The following PAWR variants were observed in gnomAD, a reference collection of about 807,000 sequenced individuals.
PAWR encodes PRKC apoptosis WT1 regulator protein.
In PAWR, 23 loss-of-function variants were observed where a neutral mutation model predicts 32.0. The ratio of observed to expected loss-of-function variants is 0.72; its 90% CI spans 0.52 to 1.02. The LOEUF (loss-of-function observed/expected upper bound fraction) is 1.02, where lower values mean the gene tolerates loss of function less well. Among genes scored for constraint, PAWR ranks in the 50% least tolerant of loss-of-function variants. The probability of loss-of-function intolerance (pLI) is 0.00; values close to 1 mark genes in which losing one functional copy is unlikely to be tolerated. For missense variants in PAWR, 457 were observed against 437.7 expected, an observed-to-expected ratio of 1.04 and a Z score of -0.39; for synonymous variants, 226 against 187.1, an observed-to-expected ratio of 1.21 and a Z score of -1.70.
At chr12:79,685,797 TAA>T (rs1224897761) in intron 2 of PAWR, among the ~76,000 whole-genome samples, 2 of 152,170 alleles carry the variant, frequency 1.3e-5, no homozygotes, top group African/African-American at 2.4e-5. Context: ...TAATCTTTAA[TAA>T]AAAGTTATGT....
chr12:79,626,840 T>C (rs1875352853), intron 2 of PAWR, among the ~76,000 whole-genome samples: 1 of 151,918 alleles, frequency 6.6e-6, no homozygotes, highest in South Asian at 2.1e-4. Context: ...ACATGCGGTG[T>C]TTGGTTTTCT....
chr12:79,592,622 A>C lies in PAWR; in HGVS notation c.1008T>G (p.Gly336=). The change falls in exon 7 of 7, where the codon GGT becomes GGG. Residue 336 remains glycine (G), a synonymous_variant. Transcript: ENST00000328827. ...CTTGAATCCTCTACCTGGTCAGCTG[A>C]CCCACAACTTTCAAAAGAGTTTTAT... is the stretch of plus-strand genomic sequence containing the variant. ...QENKTLLKVV[G]QLTR The C allele has an allele frequency of 1.3e-6, 1 of 769,012 alleles. No individual in the cohort carries two copies. The highest frequency in any genetic ancestry group is 2.4e-6 in the Non-Finnish European group (1 of 415,694). 47.6% of individuals were successfully genotyped at this position (769,012 alleles called of 1,614,324 possible). A position where few individuals can be genotyped will look rare whatever the true frequency, so the allele number is the denominator to read the frequency against.
At chr12:79,681,657 GATTT>G (rs1317030057) in intron 2 of PAWR, among the ~76,000 whole-genome samples, 1 of 151,994 alleles carries the variant, frequency 6.6e-6, no homozygotes, top group Non-Finnish European at 1.5e-5. Flanking sequence ...CCTTTCCTTG[GATTT>G]ATTTCCATGA....
chr12:79,623,071 C>A (rs1441391470), intron 2 of PAWR, among the ~76,000 whole-genome samples: 1 of 152,018 alleles, frequency 6.6e-6, no homozygotes, highest in East Asian at 1.9e-4. Flanking sequence ...CTGGAAATAG[C>A]AATGCAGAGA....
intron 4 of PAWR, among the ~76,000 whole-genome samples, chr12:79,599,963 T>C (rs879817344): frequency 1.2e-4 from 18 of 152,206 alleles, no homozygotes; most frequent in Non-Finnish European, 2.6e-4. Flanking sequence ...ATGAATTTGG[T>C]TTTGAACATA....
chr12:79,616,285 A>G (rs1874729452), intron 3 of PAWR, among the ~76,000 whole-genome samples: 2 of 152,226 alleles, frequency 1.3e-5, no homozygotes, highest in South Asian at 4.1e-4. Context: ...CATTTTGGTT[A>G]TATTTGAAAT....
At chr12:79,618,251 C>G (rs1309131763) in intron 3 of PAWR, among the ~76,000 whole-genome samples, 1 of 152,032 alleles carries the variant, frequency 6.6e-6, no homozygotes, top group Non-Finnish European at 1.5e-5. Context: ...GCCTCAGCCT[C>G]CTGAGTAGCT....
At position 79,672,015 on chromosome 12, in the gene PAWR, G is replaced by C. The variant is rs541527233; in HGVS notation, c.516+17714C>G. Among the ~76,000 whole-genome samples, 3 of 152,262 alleles carry C rather than the reference G, an allele frequency of 2.0e-5. No individual in the cohort carries two copies. In the South Asian group the frequency reaches 6.2e-4, roughly 32 times the overall value. On this transcript the variant is annotated intron_variant, in intron 2 of 6. Transcript: ENST00000328827. ...TCAGCATCCACCCAATTGCTCTAAA[G>C]GAAAACCTAATTATCATTTTGATTG...
intron 4 of PAWR, among the ~76,000 whole-genome samples, chr12:79,609,953 G>C (rs561874167): frequency 6.6e-6 from 1 of 152,184 alleles, no homozygotes; most frequent in Non-Finnish European, 1.5e-5. Flanking sequence ...TACTGCCATG[G>C]GGACAGTACA....
At chr12:79,674,242 T>TA (rs1295393597) in intron 2 of PAWR, among the ~76,000 whole-genome samples, 1 of 151,810 alleles carries the variant, frequency 6.6e-6, no homozygotes. Context: ...ACCCCAAAAA[T>TA]AAAGCTGCAC....
intron 2 of PAWR, among the ~76,000 whole-genome samples, chr12:79,689,040 C>T (rs1360901228): frequency 2.6e-5 from 4 of 152,158 alleles, no homozygotes; most frequent in African/African-American, 9.7e-5. Context: ...AAAAACCCTA[C>T]CACATGTTTT....
chr12:79,621,567 G>A (rs1349048772), intron 2 of PAWR, among the ~76,000 whole-genome samples: 1 of 151,914 alleles, frequency 6.6e-6, no homozygotes, highest in Non-Finnish European at 1.5e-5. Flanking sequence ...TTAAAGAAAT[G>A]GAATTTATAA....
At chr12:79,687,673 G>A (rs918246461) in intron 2 of PAWR, among the ~76,000 whole-genome samples, 3 of 151,942 alleles carry the variant, frequency 2.0e-5, no homozygotes, top group African/African-American at 7.3e-5. Context: ...CACAGCAACT[G>A]GTATTCTCAA....
intron 2 of PAWR, among the ~76,000 whole-genome samples, chr12:79,639,907 ATT>A (rs1195936779): frequency 5.7e-5 from 7 of 122,428 alleles, no homozygotes; most frequent in Non-Finnish European, 1.1e-4. Flanking sequence ...ATTCCATTCC[ATT>A]CCATTCTATT....
intron 2 of PAWR, among the ~76,000 whole-genome samples, chr12:79,631,757 T>G (rs1431049001): frequency 6.6e-6 from 1 of 152,122 alleles, no homozygotes; most frequent in Non-Finnish European, 1.5e-5. Context: ...ATCCTAACAG[T>G]TTTTGTAGAA....
At chr12:79,613,966 TATATATATATATA>T (rs1344255784) in intron 3 of PAWR, among the ~76,000 whole-genome samples, 17 of 9,236 alleles carry the variant, frequency 1.8e-3, no homozygotes, top group South Asian at 7.8e-3. Context: ...TATATATATA[TATATATATATATA>T]TTTTTTTTTT....
At chr12:79,617,798 T>G (rs1393131348) in intron 3 of PAWR, among the ~76,000 whole-genome samples, 1 of 152,160 alleles carries the variant, frequency 6.6e-6, no homozygotes, top group Non-Finnish European at 1.5e-5. Context: ...CGGGGCCTGT[T>G]GGGAGGTGAC....
At chr12:79,597,763 A>G (rs1873816659) in intron 4 of PAWR, 1 of 152,210 alleles carries the variant, frequency 6.6e-6, no homozygotes, top group Non-Finnish European at 1.5e-5. Flanking sequence ...GTAACAAATG[A>G]GTTTGCTTCT....
At chr12:79,607,567 A>C (rs944598834) in intron 4 of PAWR, among the ~76,000 whole-genome samples, 1 of 151,836 alleles carries the variant, frequency 6.6e-6, no homozygotes, top group Admixed American at 6.6e-5. Flanking sequence ...TGTCTCTACA[A>C]AAAATTTAAA....
Sources: allele counts gnomAD v4.1 joint callset (sites outside exome capture counted in the v4.1 genomes callset), GRCh38; gene constraint gnomAD v4.1.1; transcripts MANE v1.5; gene names NCBI Gene and HGNC (gene_info 2026-07-23, HGNC 2026-07-21).